OLA1: variants seen among roughly 807,000 people sequenced by gnomAD.
OLA1 encodes Obg like ATPase 1.
A neutral mutation model predicts 48.4 loss-of-function variants in OLA1; 14 were observed. The ratio of observed to expected loss-of-function variants is 0.29; its 90% CI spans 0.19 to 0.45. The LOEUF is 0.45. Ranked by LOEUF, OLA1 falls within the 20% of genes least tolerant of loss-of-function variation. The pLI, the probability that OLA1 is intolerant of heterozygous loss-of-function variation, is 1.00. For synonymous variants in OLA1, 127 were observed against 150.4 expected (o/e 0.84, Z 1.14); for missense variants, 325 against 467.1 (o/e 0.70, Z 2.80).
chr2:174,243,700 T>G (rs1052265889), intron 2 of OLA1, among the ~76,000 whole-genome samples: 4 of 152,200 alleles, frequency 2.6e-5, no homozygotes, highest in Non-Finnish European at 4.4e-5. Flanking sequence ...CTTATTAAAT[T>G]AGATAATATA....
intron 7 of OLA1, among the ~76,000 whole-genome samples, chr2:174,105,499 C>T (rs1685493961): frequency 6.6e-6 from 1 of 151,950 alleles, no homozygotes; most frequent in African/African-American, 2.4e-5. Context: ...TATAACACCA[C>T]CTCAAACAAT....
intron 2 of OLA1, 140 bp from the exon 3 acceptor site, chr2:174,229,591 A>G (rs1688684501): frequency 4.8e-6 from 3 of 627,356 alleles, no homozygotes; most frequent in Non-Finnish European, 8.2e-6. Flanking sequence ...GGAACAATAC[A>G]TTTTTTACTA....
At chr2:174,202,202 A>G (rs530996067) in intron 4 of OLA1, among the ~76,000 whole-genome samples, 12 of 152,340 alleles carry the variant, frequency 7.9e-5, no homozygotes, top group Non-Finnish European at 1.3e-4. Flanking sequence ...ATCAAAATGT[A>G]CACATGCGCA....
Position 174,197,431 on chromosome 2 carries a change from TG to T in OLA1, c.373+25601del, listed in dbSNP as rs1296860170. Among the ~76,000 whole-genome samples the T allele has an allele frequency of 1.4e-3, 143 of 104,424 alleles. 1 individual carries two copies. The East Asian group carries it at 0.13, about 94-fold the overall frequency. 68.5% of individuals were successfully genotyped at this position (104,424 alleles called of 152,430 possible). A position where few individuals can be genotyped will look rare whatever the true frequency, so the allele number is the denominator to read the frequency against. On this transcript the variant is annotated intron_variant, in intron 4 of 10. Transcript: ENST00000284719. ...TGTTGTTTTGATGTTGTTGGTTTGT[TG>T]TTTTTTTTTTTTATGAGAATAATTC...
Position 174,210,856 on chromosome 2 carries a change from C to T in OLA1, c.373+12177G>A, listed in dbSNP as rs1688224197. On this transcript the variant is annotated intron_variant, in intron 4 of 10. Coordinates refer to ENST00000284719, the MANE Select transcript of OLA1 (RefSeq NM_013341.5). The stretch of plus-strand genomic sequence containing the variant: ...GCTGAAATCTACTTAAAAGGCTGTG[C>T]TTCTTCCTCTATCATCATTCTTACC... Among the ~76,000 whole-genome samples, 3 of 152,140 alleles carry T rather than the reference C, an allele frequency of 2.0e-5. No individual in the cohort carries two copies. In the South Asian group the frequency reaches 6.2e-4, roughly 32 times the overall value.
intron 4 of OLA1, among the ~76,000 whole-genome samples, chr2:174,163,426 G>A (rs935787875): frequency 2.0e-5 from 3 of 151,618 alleles, no homozygotes; most frequent in Non-Finnish European, 4.4e-5. Context: ...GGTGGCTCAC[G>A]CCTGTAATCC....
At position 174,163,711 on chromosome 2, in the gene OLA1, AATATATATATATATAT is replaced by A. The variant is rs58320338; in HGVS notation, c.374-21727_374-21712del. On this transcript the variant is annotated intron_variant, in intron 4 of 10. Transcript: ENST00000284719. The stretch of plus-strand genomic sequence containing the variant: ...GTCTCAAAAATAAAATAAATAAATA[AATATATATATATATAT>A]ATATATATATATATATATATATATA... 8.1e-3 allele frequency among the ~76,000 whole-genome samples: 279 copies of A among 34,246 alleles called. 3 individuals are homozygous for A. The highest frequency in any genetic ancestry group is 0.014 in the Middle Eastern group (1 of 70). 22.5% of individuals were successfully genotyped at this position (34,246 alleles called of 152,430 possible). A position where few individuals can be genotyped will look rare whatever the true frequency, so the allele number is the denominator to read the frequency against.
chr2:174,121,929 A>C (rs550610651), intron 7 of OLA1, among the ~76,000 whole-genome samples: 8 of 152,330 alleles, frequency 5.3e-5, no homozygotes, highest in Admixed American at 4.6e-4. Context: ...ACAGAGCCTC[A>C]GGAAACCTTA....
chr2:174,113,499 A>G (rs1490409533), intron 7 of OLA1, among the ~76,000 whole-genome samples: 4 of 152,206 alleles, frequency 2.6e-5, no homozygotes, highest in Non-Finnish European at 5.9e-5. Context: ...CCTAAAATAT[A>G]TTGCTGTTGC....
chr2:174,086,828 T>G (rs1053478708), intron 7 of OLA1, among the ~76,000 whole-genome samples: 2 of 152,154 alleles, frequency 1.3e-5, no homozygotes, highest in Non-Finnish European at 2.9e-5. Flanking sequence ...TTTAGTATTT[T>G]CAGACTGCGG....
chr2:174,245,181 G>A (rs537802559), intron 2 of OLA1, among the ~76,000 whole-genome samples: 10 of 152,236 alleles, frequency 6.6e-5, no homozygotes, highest in African/African-American at 1.9e-4. Flanking sequence ...TTGCTTTCAC[G>A]TTTATTGATA....
intron 4 of OLA1, among the ~76,000 whole-genome samples, chr2:174,164,348 A>AATACTATTCTGCATAGTGCAGAATGG (rs1687108269): frequency 8.1e-6 from 1 of 124,042 alleles, no homozygotes; most frequent in Non-Finnish European, 1.6e-5. Flanking sequence ...GGCACTACGC[A>AATACTATTCTGCATAGTGCAGAATGG]ATACCATTCT....
At chr2:174,135,301 A>G (rs1038977537) in intron 5 of OLA1, among the ~76,000 whole-genome samples, 1 of 152,182 alleles carries the variant, frequency 6.6e-6, no homozygotes, top group African/African-American at 2.4e-5. Flanking sequence ...ATGGTAAGCC[A>G]GGCAAACCCA....
intron 7 of OLA1, among the ~76,000 whole-genome samples, chr2:174,091,911 T>G (rs1476270103): frequency 1.3e-5 from 1 of 77,674 alleles, no homozygotes; most frequent in Non-Finnish European, 2.8e-5. Flanking sequence ...AAAAAAAGCC[T>G]CTCCCTTCTC....
Position 174,128,751 on chromosome 2 carries a change from TA to T in OLA1, c.550-5077del, listed in dbSNP as rs201474827. ...AAACTTGTCTCAAAAAAAAAAAAAATAAAATAAAATAAACAAAGAAAATCTA... is the reference window on the plus strand; with the variant it reads ...AAACTTGTCTCAAAAAAAAAAAAAATAAATAAAATAAACAAAGAAAATCTA... On this transcript the variant is annotated intron_variant, in intron 5 of 10. Transcript: ENST00000284719. 8.3e-3 allele frequency among the ~76,000 whole-genome samples: 1,180 copies of T among 142,482 alleles called. 17 individuals carry two copies. Among genetic ancestry groups the T allele is most frequent in the African/African-American group, 0.029 (1,110 of 38,776 alleles). 93.5% of individuals were successfully genotyped at this position (142,482 alleles called of 152,430 possible).
At chr2:174,192,406 T>C (rs962425804) in intron 4 of OLA1, among the ~76,000 whole-genome samples, 6 of 152,196 alleles carry the variant, frequency 3.9e-5, no homozygotes, top group Admixed American at 3.9e-4. Context: ...AGCATTTTAA[T>C]TTTGAATTTT....
At chr2:174,096,853 G>A (rs937763830) in intron 7 of OLA1, among the ~76,000 whole-genome samples, 1 of 152,158 alleles carries the variant, frequency 6.6e-6, no homozygotes, top group African/African-American at 2.4e-5. Context: ...AAGAATGGGA[G>A]CTCTTTTGAA....
At chr2:174,093,638 C>A (rs1685178056) in intron 7 of OLA1, among the ~76,000 whole-genome samples, 1 of 152,192 alleles carries the variant, frequency 6.6e-6, no homozygotes. Context: ...TGTATCTATT[C>A]CTTGTAATTT....
chr2:174,201,331 A>G (rs1249156976), intron 4 of OLA1, among the ~76,000 whole-genome samples: 2 of 152,184 alleles, frequency 1.3e-5, no homozygotes. Context: ...TAAGCAAGTC[A>G]CTTCATCTCT....
Sources: gnomAD v4.1 joint callset for allele counts (sites outside exome capture counted in the v4.1 genomes callset) on GRCh38, gnomAD v4.1.1 for gene constraint, MANE v1.5 for transcripts, NCBI Gene and HGNC (gene_info 2026-07-23, HGNC 2026-07-21) for gene names.